The following NCAM2 variants were observed in gnomAD, a reference collection of about 807,000 sequenced individuals.
The protein encoded by NCAM2 is neural cell adhesion molecule 2.
A neutral mutation model predicts 98.1 loss-of-function variants in NCAM2; 30 were observed. The observed-to-expected ratio is 0.31, with a 90% CI of 0.23 to 0.41. The LOEUF is 0.41. Ranked by LOEUF, NCAM2 falls within the 10% of genes least tolerant of loss-of-function variation. The pLI is 1.00. For synonymous variants in NCAM2, 368 were observed against 342.4 expected (o/e 1.07, Z -0.83); for missense variants, 867 against 1,005.8 (o/e 0.86, Z 1.87).
chr21:21,190,979 T>C (rs2068802588), intron 1 of NCAM2, among the ~76,000 whole-genome samples: 1 of 152,196 alleles, frequency 6.6e-6, no homozygotes, highest in Admixed American at 6.5e-5. Flanking sequence ...TCAAAGGCCG[T>C]GTATATTTAC....
intron 11 of NCAM2, among the ~76,000 whole-genome samples, chr21:21,429,389 A>C (rs886136229): frequency 6.6e-6 from 1 of 152,204 alleles, no homozygotes; most frequent in African/African-American, 2.4e-5. Context: ...GAGGATAGAT[A>C]ATATCTCCCT....
intron 16 of NCAM2, among the ~76,000 whole-genome samples, chr21:21,522,401 C>G (rs904520881): frequency 6.6e-6 from 1 of 150,584 alleles, no homozygotes; most frequent in African/African-American, 2.4e-5. Context: ...AGTTTTACAT[C>G]TGATTTTTCT....
intron 1 of NCAM2, among the ~76,000 whole-genome samples, chr21:21,186,821 G>A (rs1331438146): frequency 1.3e-5 from 2 of 151,958 alleles, no homozygotes; most frequent in Non-Finnish European, 2.9e-5. Flanking sequence ...TTTCTATGAA[G>A]CTTCTGCCTA....
At chr21:21,272,838 C>T (rs1318157104) in intron 1 of NCAM2, among the ~76,000 whole-genome samples, 4 of 150,932 alleles carry the variant, frequency 2.7e-5, no homozygotes, top group African/African-American at 9.7e-5. Flanking sequence ...TTTTGATATG[C>T]CAAATTTGAG....
At chr21:21,419,591 A>G (rs1329860288) in intron 11 of NCAM2, among the ~76,000 whole-genome samples, 2 of 139,448 alleles carry the variant, frequency 1.4e-5, no homozygotes, top group African/African-American at 5.4e-5. Flanking sequence ...GTTCCCACCT[A>G]TGAGTGAGAA....
At chr21:21,384,551 C>A (rs2076224866) in intron 9 of NCAM2, among the ~76,000 whole-genome samples, 1 of 151,852 alleles carries the variant, frequency 6.6e-6, no homozygotes, top group Non-Finnish European at 1.5e-5. Flanking sequence ...CGTTTCCAAA[C>A]TTTTGCTACA....
At position 21,071,923 on chromosome 21, in the gene NCAM2, AT is replaced by A. The variant is rs200160711; in HGVS notation, c.55+73312del. 9.9e-3 allele frequency among the ~76,000 whole-genome samples: 1,350 copies of A among 136,838 alleles called. 1 individual carries two copies. Among genetic ancestry groups the A allele is most frequent in the African/African-American group, 0.036 (1,253 of 35,214 alleles). 89.8% of individuals were successfully genotyped at this position (136,838 alleles called of 152,430 possible). A position where few individuals can be genotyped will look rare whatever the true frequency, so the allele number is the denominator to read the frequency against. Reference sequence around the variant, plus strand: ...TCTATCTATCTATCTATCTATCTATATTTTTTTGAGACGGAGTGTTGCTCTG... The same window carrying A: ...TCTATCTATCTATCTATCTATCTATATTTTTTGAGACGGAGTGTTGCTCTG... On this transcript the variant is annotated intron_variant, in intron 1 of 17. Coordinates refer to ENST00000400546, the MANE Select transcript of NCAM2 (RefSeq NM_004540.5).
At chr21:21,472,053 A>G (rs994104775) in intron 14 of NCAM2, among the ~76,000 whole-genome samples, 1 of 152,098 alleles carries the variant, frequency 6.6e-6, no homozygotes, top group South Asian at 2.1e-4. Flanking sequence ...CTTTGTACTT[A>G]TAGTGTCAAT....
chr21:21,020,008 GTTTCT>G (rs2064396559), intron 1 of NCAM2, among the ~76,000 whole-genome samples: 1 of 151,992 alleles, frequency 6.6e-6, no homozygotes, highest in Non-Finnish European at 1.5e-5. Flanking sequence ...ACAAACTTCA[GTTTCT>G]TTTCTTTTTT....
At chr21:21,340,819 A>T (rs899903521) in intron 8 of NCAM2, among the ~76,000 whole-genome samples, 1 of 152,000 alleles carries the variant, frequency 6.6e-6, no homozygotes, top group South Asian at 2.1e-4. Flanking sequence ...ATGCCTCAGC[A>T]TGATAAAATT....
intron 1 of NCAM2, among the ~76,000 whole-genome samples, chr21:21,251,406 G>C (rs1310273006): frequency 6.6e-6 from 1 of 151,750 alleles, no homozygotes; most frequent in Non-Finnish European, 1.5e-5. Flanking sequence ...GAACATGTGT[G>C]CTGATTTTCT....
chr21:21,508,879 A>G lies in NCAM2; in HGVS notation c.2106A>G (p.Gly702=). 8.2e-6 allele frequency: 11 copies of G among 1,347,946 alleles called. No individual in the cohort carries two copies. The highest frequency in any genetic ancestry group is 8.9e-6 in the Non-Finnish European group (9 of 1,013,186). 83.5% of individuals were successfully genotyped at this position (1,347,946 alleles called of 1,614,324 possible). Reference sequence around the variant, plus strand: ...CGCTGTTTAATGGTCTTGGGCTTGGAGCAGTAATTGGCCTGGGAGTTGCTG... The same window carrying G: ...CGCTGTTTAATGGTCTTGGGCTTGGGGCAGTAATTGGCCTGGGAGTTGCTG... The part of the protein sequence containing the change: ...KDTLFNGLGL[G]AVIGLGVAAL... Residue 702 remains glycine, a synonymous_variant, in exon 16 of 18, where the codon GGA becomes GGG. Coordinates refer to ENST00000400546, the MANE Select transcript of NCAM2 (RefSeq NM_004540.5).
intron 1 of NCAM2, among the ~76,000 whole-genome samples, chr21:21,172,458 A>G (rs2068155656): frequency 6.6e-6 from 1 of 152,076 alleles, no homozygotes; most frequent in Non-Finnish European, 1.5e-5. Context: ...GTAAGTCTGA[A>G]AAGTTCTGTA....
chr21:21,509,906 A>C (rs527701786), intron 16 of NCAM2, among the ~76,000 whole-genome samples: 2 of 152,296 alleles, frequency 1.3e-5, no homozygotes, highest in South Asian at 4.1e-4. Flanking sequence ...TGCATTAAAC[A>C]CAGCAATCAA....
chr21:21,462,549 G>A (rs1210807965), intron 12 of NCAM2, among the ~76,000 whole-genome samples: 2 of 151,842 alleles, frequency 1.3e-5, no homozygotes, highest in Non-Finnish European at 2.9e-5. Context: ...CTAATAAAAA[G>A]AGAATAAACT....
At chr21:21,431,676 A>T (rs1054841563) in intron 11 of NCAM2, among the ~76,000 whole-genome samples, 3 of 152,128 alleles carry the variant, frequency 2.0e-5, no homozygotes, top group African/African-American at 7.2e-5. Flanking sequence ...AAGAAAATAC[A>T]TTTTGTATTT....
At chr21:21,326,776 T>G (rs2074522515) in intron 6 of NCAM2, among the ~76,000 whole-genome samples, 1 of 152,156 alleles carries the variant, frequency 6.6e-6, no homozygotes, top group Non-Finnish European at 1.5e-5. Flanking sequence ...TGTTCTAGTC[T>G]CTGGATATAA....
intron 11 of NCAM2, among the ~76,000 whole-genome samples, chr21:21,429,899 T>A (rs1286484138): frequency 6.6e-6 from 1 of 152,178 alleles, no homozygotes; most frequent in African/African-American, 2.4e-5. Flanking sequence ...TGAAAGGCCG[T>A]AAAGCTGTGC....
intron 9 of NCAM2, among the ~76,000 whole-genome samples, chr21:21,404,358 A>T (rs1358024376): frequency 1.3e-5 from 2 of 152,120 alleles, no homozygotes; most frequent in African/African-American, 2.4e-5. Flanking sequence ...GGGACCCAGC[A>T]GAGCATAATT....
Sources: gnomAD v4.1 joint callset for allele counts (sites outside exome capture counted in the v4.1 genomes callset) on GRCh38, gnomAD v4.1.1 for gene constraint, MANE v1.5 for transcripts, NCBI Gene and HGNC (gene_info 2026-07-23, HGNC 2026-07-21) for gene names.